The following LYRM2 variants were observed in gnomAD, a reference collection of about 807,000 sequenced individuals.
The protein encoded by LYRM2 is LYR motif containing 2, also known as LYR motif-containing protein 2.
Under a neutral mutation model 11.6 loss-of-function variants are expected in LYRM2, and 8 were observed. That is an observed-to-expected ratio of 0.69 (90% CI 0.40 to 1.24). The LOEUF (loss-of-function observed/expected upper bound fraction) is 1.24, where lower values mean the gene tolerates loss of function less well. Ranked by LOEUF, LYRM2 falls within the 50% of genes most tolerant of loss-of-function variation. The pLI is 0.01. For synonymous variants in LYRM2, 30 were observed against 36.4 expected, an observed-to-expected ratio of 0.83 and a Z score of 0.63; for missense variants, 117 against 102.9, an observed-to-expected ratio of 1.14 and a Z score of -0.59.
In LYRM2 at chr6:89,633,671, T is replaced by G. The variant is rs1807843813; in HGVS notation, c.*3602A>C. On this transcript the variant is annotated 3_prime_UTR_variant, in exon 3 of 3. Transcript: ENST00000523377. The stretch of plus-strand genomic sequence containing the variant: ...TGGGAGCCCAAAATAAAGGGAGTGT[T>G]GTTTTCATGGTTATGCCTTGTTTGT... 6.6e-6 allele frequency: 1 copy of G among 152,216 alleles called. No individual in the cohort carries two copies. Among genetic ancestry groups the G allele is most frequent in the Non-Finnish European group, 1.5e-5 (1 of 68,040 alleles). 9.4% of individuals were successfully genotyped at this position (152,216 alleles called of 1,614,324 possible). A position where few individuals can be genotyped will look rare whatever the true frequency, so the allele number is the denominator to read the frequency against.
At chr6:89,638,524 A>G (rs1000033059) in intron 1 of LYRM2, 148 bp downstream of exon 1, 1 of 1,551,876 alleles carries the variant, frequency 6.4e-7, no homozygotes, top group African/African-American at 1.4e-5. Context: ...CGCGGAGCGA[A>G]GCACCGCCCC....
Position 89,634,334 on chromosome 6 carries a change from ATAT to A in LYRM2, c.*2936_*2938del, listed in dbSNP as rs764513529. 6.6e-6 allele frequency: 1 copy of A among 152,166 alleles called. No homozygotes were observed. Among genetic ancestry groups the A allele is most frequent in the Non-Finnish European group, 1.5e-5 (1 of 68,026 alleles). 9.4% of individuals were successfully genotyped at this position (152,166 alleles called of 1,614,324 possible). A position where few individuals can be genotyped will look rare whatever the true frequency, so the allele number is the denominator to read the frequency against. ...ACTCTTTCCCTTTGATACGACTATA[ATAT>A]TATAAACAGCAAGGAATATGTTCTG... is the stretch of plus-strand genomic sequence containing the variant. On this transcript the variant is annotated 3_prime_UTR_variant, in exon 3 of 3. Transcript: ENST00000523377.
At chr6:89,638,340 A>G (rs1175819675) in intron 1 of LYRM2, 1 of 1,228,558 alleles carries the variant, frequency 8.1e-7, no homozygotes, top group African/African-American at 1.6e-5. Flanking sequence ...CTAAATTAAC[A>G]GTTGTTCAAA....
rs1275830048 is a variant in LYRM2, at chr6:89,637,054, T to C, written c.*219A>G. On this transcript the variant is annotated 3_prime_UTR_variant, in exon 3 of 3. Coordinates refer to ENST00000523377, the MANE Select transcript of LYRM2 (RefSeq NM_020466.5). ...ACTGGCCATTTGTTAGTGGTTTTTT[T>C]CTTCTTTTAAGAACTGCTGAGACAT... 3 of 391,708 alleles carry C rather than the reference T, an allele frequency of 7.7e-6. No homozygotes were observed. Among genetic ancestry groups the C allele is most frequent in the East Asian group, 4.1e-5 (1 of 24,112 alleles). The allele number at this position is 391,708 out of a possible 1,614,324, so 24.3% of individuals were successfully genotyped here.
At position 89,635,157 on chromosome 6, in the gene LYRM2, C is replaced by T. The variant is rs953939696; in HGVS notation, c.*2116G>A. The T allele has an allele frequency of 3.9e-5, 6 of 152,210 alleles. No homozygotes were observed. The highest frequency in any genetic ancestry group is 1.4e-4 in the African/African-American group (6 of 41,458). 9.4% of individuals were successfully genotyped at this position (152,210 alleles called of 1,614,324 possible). ...TCTTTAATGAAAACCTTTCCATGCA[C>T]ACCACTGTTAGGAAGAGCATCATTA... On this transcript the variant is annotated 3_prime_UTR_variant, in exon 3 of 3. Transcript: ENST00000523377.
rs1301239846 is a variant in LYRM2 at position 89,632,975 on chromosome 6, T to G, written c.*4298A>C. 3.3e-5 allele frequency: 5 copies of G among 152,226 alleles called. No individual in the cohort carries two copies. The highest frequency in any genetic ancestry group is 9.6e-5 in the African/African-American group (4 of 41,452). 9.4% of individuals were successfully genotyped at this position (152,226 alleles called of 1,614,324 possible). A position where few individuals can be genotyped will look rare whatever the true frequency, so the allele number is the denominator to read the frequency against. On this transcript the variant is annotated 3_prime_UTR_variant, in exon 3 of 3. Transcript: ENST00000523377. ...AAATATCTCCTATTACCTCAAGGTA[T>G]CCTTGTTGAGGAATGCTGAAAACTA...
At chr6:89,638,532 C>A (rs1808085503) in intron 1 of LYRM2, 140 bp downstream of exon 1, 3 of 1,566,384 alleles carry the variant, frequency 1.9e-6, no homozygotes, top group Admixed American at 1.8e-5. Context: ...GAAGCACCGC[C>A]CCGCAGGCAT....
chr6:89,637,394 T>A, intron 2 of LYRM2, 41 bp from the exon 3 acceptor site: 1 of 1,285,844 alleles, frequency 7.8e-7, no homozygotes, highest in Non-Finnish European at 1.1e-6. Flanking sequence ...TTTACCTGGT[T>A]AAACAAGGTA....
In LYRM2 at chr6:89,634,431, A is replaced by C. The variant is rs1807919514; in HGVS notation, c.*2842T>G. On this transcript the variant is annotated 3_prime_UTR_variant, in exon 3 of 3. Coordinates refer to ENST00000523377, the MANE Select transcript of LYRM2 (RefSeq NM_020466.5). ...TGAGGTAAGACTGTCTCTTTAAAAA[A>C]AAAAACAACTCACACCTGTAATCCT... The C allele has an allele frequency of 6.6e-6, 1 of 152,094 alleles. No homozygotes were observed. The highest frequency in any genetic ancestry group is 2.1e-4 in the South Asian group (1 of 4,822). 9.4% of individuals were successfully genotyped at this position (152,094 alleles called of 1,614,324 possible).
At position 89,635,722 on chromosome 6, in the gene LYRM2, T is replaced by C. The variant is rs370308472; in HGVS notation, c.*1551A>G. On this transcript the variant is annotated 3_prime_UTR_variant, in exon 3 of 3. Transcript: ENST00000523377. ...TTCACTAAATTATTTTGTTATAAAT[T>C]TGATCTCCTTCAAAAGTGCCTTGAA... The C allele has an allele frequency of 5.3e-5, 8 of 152,368 alleles. No homozygotes were observed. The highest frequency in any genetic ancestry group is 3.3e-4 in the Admixed American group (5 of 15,298). The allele number at this position is 152,368 out of a possible 1,614,324, so 9.4% of individuals were successfully genotyped here.
In LYRM2 at chr6:89,635,187, A is replaced by C. The variant is rs9362669; in HGVS notation, c.*2086T>G. ...CTGTTAGGAAGAGCATCATTAAATC[A>C]CTGACTTCTACACCCATAAAAGGAT... On this transcript the variant is annotated 3_prime_UTR_variant, in exon 3 of 3. Transcript: ENST00000523377. 9 of 152,352 alleles carry C rather than the reference A, an allele frequency of 5.9e-5. No homozygotes were observed. The East Asian group carries it at 1.5e-3, about 26-fold the overall frequency. 9.4% of individuals were successfully genotyped at this position (152,352 alleles called of 1,614,324 possible). A position where few individuals can be genotyped will look rare whatever the true frequency, so the allele number is the denominator to read the frequency against.
chr6:89,638,703 C>T lies in LYRM2; in HGVS notation c.14G>A (p.Arg5His), dbSNP rs750550128. 1 of 1,614,036 alleles carries T rather than the reference C, an allele frequency of 6.2e-7. No homozygotes were observed. Among genetic ancestry groups the T allele is most frequent in the Non-Finnish European group, 8.5e-7 (1 of 1,179,960 alleles). The change falls in exon 1 of 3, where the codon CGC becomes CAC. Residue 5 changes from arginine (R) to histidine (H), a missense_variant. By Grantham distance (29) the Arg-to-His change is conservative. Coordinates refer to ENST00000523377, the MANE Select transcript of LYRM2 (RefSeq NM_020466.5). The stretch of plus-strand genomic sequence containing the variant: ...TAACGTTAGCGTCGCTGGGGGTAAG[C>T]GGGAAGCAGCCATGTCCACCAGAGG... MAAS[R>H]LPPATLTLKQ...
In LYRM2 at chr6:89,637,741, C is replaced by T. The variant is rs759780507; in HGVS notation, c.186+1G>A. ...TGTCCTCACCATGATTTTGTTCTCACCTCTTCGGTGGCACTTTTGTTTCTT... is the reference window on the plus strand; with the variant it reads ...TGTCCTCACCATGATTTTGTTCTCATCTCTTCGGTGGCACTTTTGTTTCTT... On this transcript the variant is annotated splice_donor_variant, in intron 2 of 2. Coordinates refer to ENST00000523377, the MANE Select transcript of LYRM2 (RefSeq NM_020466.5). LOFTEE classifies it high-confidence loss of function. The T allele has an allele frequency of 1.5e-5, 25 of 1,613,826 alleles. No individual in the cohort carries two copies. The highest frequency in any genetic ancestry group is 1.9e-5 in the Non-Finnish European group (23 of 1,179,854).
At position 89,638,681 on chromosome 6, in the gene LYRM2, C is replaced by G; in HGVS notation, c.36G>C (p.Thr12=). ...AGAGAACCGCCGGTACCTGCTTTAA[C>G]GTTAGCGTCGCTGGGGGTAAGCGGG... ...AASRLPPATL[T]LKQFVRRQQV... The change falls in exon 1 of 3, where the codon ACG becomes ACC. Residue 12 remains threonine, a synonymous_variant. Transcript: ENST00000523377. 6.2e-7 allele frequency: 1 copy of G among 1,614,110 alleles called. No individual in the cohort carries two copies.
chr6:89,637,496 T>C lies in LYRM2; in HGVS notation c.187-143A>G, dbSNP rs1808039416. 6.2e-6 allele frequency: 4 copies of C among 647,954 alleles called. No homozygotes were observed. In the South Asian group the frequency reaches 6.4e-5, roughly 10 times the overall value. 40.1% of individuals were successfully genotyped at this position (647,954 alleles called of 1,614,324 possible). A position where few individuals can be genotyped will look rare whatever the true frequency, so the allele number is the denominator to read the frequency against. On this transcript the variant is annotated intron_variant, in intron 2 of 2. Coordinates refer to ENST00000523377, the MANE Select transcript of LYRM2 (RefSeq NM_020466.5). ...AAAAGCTAAAAGAGTTCCACATACA[T>C]ACATATAAAATGTACAACATAAAAG...
Position 89,638,655 on chromosome 6 carries a change from C to G in LYRM2, c.45+17G>C. On this transcript the variant is annotated intron_variant, in intron 1 of 2. Coordinates refer to ENST00000523377, the MANE Select transcript of LYRM2 (RefSeq NM_020466.5). ...GACCCAGGTAAGCTGCTTTGGAAGGCAGAGAACCGCCGGTACCTGCTTTAA... is the reference window on the plus strand; with the variant it reads ...GACCCAGGTAAGCTGCTTTGGAAGGGAGAGAACCGCCGGTACCTGCTTTAA... 1 of 1,614,024 alleles carries G rather than the reference C, an allele frequency of 6.2e-7. No individual in the cohort carries two copies. Among genetic ancestry groups the G allele is most frequent in the Non-Finnish European group, 8.5e-7 (1 of 1,179,962 alleles).
chr6:89,637,175 A>G lies in LYRM2; in HGVS notation c.*98T>C, dbSNP rs540550602. 8.8e-6 allele frequency: 6 copies of G among 680,126 alleles called. No homozygotes were observed. The African/African-American group carries it at 1.1e-4, about 12-fold the overall frequency. 42.1% of individuals were successfully genotyped at this position (680,126 alleles called of 1,614,324 possible). On this transcript the variant is annotated 3_prime_UTR_variant, in exon 3 of 3. Coordinates refer to ENST00000523377, the MANE Select transcript of LYRM2 (RefSeq NM_020466.5). ...TGCTCTCTATCACCAAATACTGTAC[A>G]TATAAATAGTAAGACTGGGCTTTGT... is the stretch of plus-strand genomic sequence containing the variant.
At chr6:89,637,401 G>T in intron 2 of LYRM2, 48 bp from the exon 3 acceptor site, 1 of 1,209,358 alleles carries the variant, frequency 8.3e-7, no homozygotes, top group South Asian at 1.3e-5. Flanking sequence ...GGTTAAACAA[G>T]GTATAGCTAT....
At position 89,635,328 on chromosome 6, in the gene LYRM2, TTGTC is replaced by T. The variant is rs1456957115; in HGVS notation, c.*1941_*1944del. On this transcript the variant is annotated 3_prime_UTR_variant, in exon 3 of 3. Coordinates refer to ENST00000523377, the MANE Select transcript of LYRM2 (RefSeq NM_020466.5). ...TCAGAAACGTCACAAATGCTTCTGT[TTGTC>T]AGATCATTTTGCAACAGGTTAACTA... 5.9e-5 allele frequency: 9 copies of T among 152,240 alleles called. No individual in the cohort carries two copies. Among genetic ancestry groups the T allele is most frequent in the Non-Finnish European group, 1.2e-4 (8 of 68,036 alleles). 9.4% of individuals were successfully genotyped at this position (152,240 alleles called of 1,614,324 possible).
Sources: gnomAD v4.1 joint callset for allele counts on GRCh38, gnomAD v4.1.1 for gene constraint, MANE v1.5 for transcripts, NCBI Gene and HGNC (gene_info 2026-07-23, HGNC 2026-07-21) for gene names.